Variants in CDIN1 observed in about 807,000 individuals in gnomAD.
CDIN1 encodes the protein CDAN1-interacting nuclease 1.
CDIN1 carries 33 observed loss-of-function variants against 45.3 expected under a neutral mutation model. The observed-to-expected ratio is 0.73, with a 90% confidence interval of 0.55 to 0.97. The LOEUF is 0.97. Among genes scored for constraint, CDIN1 ranks in the 50% least tolerant of loss-of-function variants. The pLI is 0.00. For synonymous variants in CDIN1, 118 were observed against 124.4 expected, an observed-to-expected ratio of 0.95 and a Z score of 0.34; for missense variants, 303 against 339.4, an observed-to-expected ratio of 0.89 and a Z score of 0.84.
chr15:36,620,804 T>TG (rs138484014), intron 1 of CDIN1, among the ~76,000 whole-genome samples: 43,442 of 151,568 alleles, frequency 0.29, 6,641 homozygotes, highest in African/African-American at 0.4. Context: ...GGCTTAATTT[T>TG]GGGGGGGGAC....
At chr15:36,625,449 T>G (rs1403417982) in intron 1 of CDIN1, among the ~76,000 whole-genome samples, 1 of 152,214 alleles carries the variant, frequency 6.6e-6, no homozygotes, top group Non-Finnish European at 1.5e-5. Flanking sequence ...TTATGTATTC[T>G]AGCAGGATTT....
At chr15:36,633,552 C>A (rs2039769511) in intron 1 of CDIN1, among the ~76,000 whole-genome samples, 1 of 152,040 alleles carries the variant, frequency 6.6e-6, no homozygotes, top group African/African-American at 2.4e-5. Context: ...ATGCTGATAC[C>A]TGGTTAGCAT....
intron 5 of CDIN1, among the ~76,000 whole-genome samples, chr15:36,661,650 G>A (rs141814730): frequency 9.9e-5 from 15 of 152,246 alleles, no homozygotes; most frequent in Non-Finnish European, 2.2e-4. Context: ...AAGAATGCTA[G>A]TGATTTTACC....
At chr15:36,703,160 G>A (rs1340182108) in intron 8 of CDIN1, among the ~76,000 whole-genome samples, 1 of 138,686 alleles carries the variant, frequency 7.2e-6, no homozygotes, top group Non-Finnish European at 1.5e-5. Context: ...CAAGGCTGCA[G>A]TGAGCCATGA....
intron 7 of CDIN1, 33 bp from the exon 8 acceptor site, chr15:36,697,288 CTG>C: frequency 6.3e-7 from 1 of 1,586,986 alleles, no homozygotes; most frequent in Non-Finnish European, 8.6e-7. Context: ...TGGTATAATT[CTG>C]CCTGTGTTAC....
chr15:36,654,823 G>A (rs2040717472), intron 4 of CDIN1, among the ~76,000 whole-genome samples: 1 of 152,090 alleles, frequency 6.6e-6, no homozygotes, highest in African/African-American at 2.4e-5. Context: ...GTTCATAATA[G>A]TTGCAGAGAG....
At chr15:36,689,630 A>T (rs1417703494) in intron 5 of CDIN1, among the ~76,000 whole-genome samples, 1 of 152,154 alleles carries the variant, frequency 6.6e-6, no homozygotes, top group Non-Finnish European at 1.5e-5. Context: ...GTCCCCTCTG[A>T]CTGGCCAGGC....
At chr15:36,706,638 G>C (rs1047853347) in intron 8 of CDIN1, 1 of 151,616 alleles carries the variant, frequency 6.6e-6, no homozygotes, top group Non-Finnish European at 1.5e-5. Flanking sequence ...AAAAAAGGTT[G>C]ACTTCAAAGA....
intron 1 of CDIN1, among the ~76,000 whole-genome samples, chr15:36,640,083 A>G (rs1025291506): frequency 6.6e-6 from 1 of 152,122 alleles, no homozygotes; most frequent in Non-Finnish European, 1.5e-5. Flanking sequence ...TGTATCAGTA[A>G]TCTCCCTCCA....
intron 5 of CDIN1, among the ~76,000 whole-genome samples, chr15:36,681,004 G>A: frequency 6.6e-6 from 1 of 152,028 alleles, no homozygotes; most frequent in East Asian, 1.9e-4. Context: ...ACAAGCCAAT[G>A]GAGGAGACCA....
intron 10 of CDIN1, among the ~76,000 whole-genome samples, chr15:36,740,191 A>T (rs74721469): frequency 0.036 from 5,555 of 152,242 alleles, 357 homozygotes; most frequent in African/African-American, 0.13. Flanking sequence ...AACTTATTTG[A>T]TGAAGGACCT....
At chr15:36,647,023 C>CTTTTTT (rs11433757) in intron 3 of CDIN1, among the ~76,000 whole-genome samples, 4 of 122,312 alleles carry the variant, frequency 3.3e-5, no homozygotes, top group Non-Finnish European at 4.8e-5. Context: ...AAATAAATAT[C>CTTTTTT]TTTTTTTTTT....
intron 10 of CDIN1, among the ~76,000 whole-genome samples, chr15:36,789,897 A>G (rs1261383439): frequency 6.6e-6 from 1 of 152,218 alleles, no homozygotes; most frequent in East Asian, 1.9e-4. Flanking sequence ...TCTTGGTGAG[A>G]TAAAAGAATT....
intron 10 of CDIN1, among the ~76,000 whole-genome samples, chr15:36,722,764 A>G (rs2043472998): frequency 6.6e-6 from 1 of 152,200 alleles, no homozygotes; most frequent in Non-Finnish European, 1.5e-5. Flanking sequence ...GAATATGGAA[A>G]ATGAGTCATG....
chr15:36,695,086 G>T (rs150781835), intron 7 of CDIN1, among the ~76,000 whole-genome samples: 16 of 152,270 alleles, frequency 1.1e-4, no homozygotes, highest in African/African-American at 3.6e-4. Flanking sequence ...GGAGGAAAAG[G>T]CAATAATGAT....
At chr15:36,587,142 C>T (rs1280929572) in intron 1 of CDIN1, among the ~76,000 whole-genome samples, 2 of 152,092 alleles carry the variant, frequency 1.3e-5, no homozygotes, top group African/African-American at 4.8e-5. Context: ...ATATCTTTGC[C>T]CTTAGAGATC....
At chr15:36,585,334 A>T (rs188329667) in intron 1 of CDIN1, among the ~76,000 whole-genome samples, 116 of 152,302 alleles carry the variant, frequency 7.6e-4, no homozygotes, top group Non-Finnish European at 1.3e-3. Flanking sequence ...TTTTTCACTG[A>T]TGTCCCTTTT....
intron 1 of CDIN1, among the ~76,000 whole-genome samples, chr15:36,595,341 A>ATAAT (rs1566818867): frequency 4.9e-4 from 59 of 120,478 alleles, no homozygotes; most frequent in South Asian, 1.8e-3. Context: ...TATAATATAA[A>ATAAT]ATAATATGAT....
intron 10 of CDIN1, among the ~76,000 whole-genome samples, chr15:36,765,061 C>CTTTT (rs547336601): frequency 2.4e-4 from 35 of 143,312 alleles, no homozygotes; most frequent in Non-Finnish European, 4.8e-4. Flanking sequence ...TTCTTTCTTT[C>CTTTT]TTTTTTTTTT....
Sources: allele counts gnomAD v4.1 joint callset (sites outside exome capture counted in the v4.1 genomes callset), GRCh38; gene constraint gnomAD v4.1.1; transcripts MANE v1.5; gene names NCBI Gene and HGNC (gene_info 2026-07-23, HGNC 2026-07-21).